ADAM22: variants seen among roughly 807,000 people sequenced by gnomAD.
The protein encoded by ADAM22 is disintegrin and metalloproteinase domain-containing protein 22.
In ADAM22, 65 loss-of-function variants were observed where a neutral mutation model predicts 144.6. The observed-to-expected ratio is 0.45, with a 90% CI of 0.37 to 0.55. The LOEUF (loss-of-function observed/expected upper bound fraction) is 0.55. Ranked by LOEUF, ADAM22 falls within the 20% of genes least tolerant of loss-of-function variation. The pLI, the probability that ADAM22 is intolerant of heterozygous loss-of-function variation, is 0.00. For missense variants in ADAM22, 974 were observed against 1,184.9 expected (o/e 0.82, Z 2.61); for synonymous variants, 391 against 412.6 (o/e 0.95, Z 0.63).
At chr7:88,175,193 G>A (rs1316874453) in intron 26 of ADAM22, among the ~76,000 whole-genome samples, 1 of 152,220 alleles carries the variant, frequency 6.6e-6, no homozygotes, top group Non-Finnish European at 1.5e-5. Flanking sequence ...GGGTGATCAA[G>A]AAACAGTCTT....
intron 3 of ADAM22, among the ~76,000 whole-genome samples, chr7:88,049,347 T>C (rs1013626060): frequency 3.3e-5 from 5 of 152,324 alleles, no homozygotes; most frequent in Middle Eastern, 3.4e-3. Flanking sequence ...AACTTTACCC[T>C]GTACACTGTT....
chr7:88,012,506 A>G (rs570254458), intron 3 of ADAM22, among the ~76,000 whole-genome samples: 22 of 152,176 alleles, frequency 1.4e-4, no homozygotes, highest in Non-Finnish European at 3.1e-4. Context: ...TGCAGTTTTA[A>G]TGATTGCTTT....
chr7:88,121,496 A>T (rs1829299812), intron 7 of ADAM22, among the ~76,000 whole-genome samples: 1 of 152,216 alleles, frequency 6.6e-6, no homozygotes, highest in Non-Finnish European at 1.5e-5. Context: ...GGTGTGGTTT[A>T]GCTGGGTGCC....
chr7:88,125,666 A>G lies in ADAM22; in HGVS notation c.678+7A>G. On this transcript the variant is annotated splice_region_variant and intron_variant, in intron 8 of 31. Transcript: ENST00000413139. Reference sequence around the variant, plus strand: ...AAAAAGGAGTAAACGGCAGGTATGTATTCACAGTGGTGTGTCGTGTTATTT... The same window carrying G: ...AAAAAGGAGTAAACGGCAGGTATGTGTTCACAGTGGTGTGTCGTGTTATTT... 6.3e-7 allele frequency: 1 copy of G among 1,585,582 alleles called. No individual in the cohort carries two copies. Among genetic ancestry groups the G allele is most frequent in the South Asian group, 1.2e-5 (1 of 86,536 alleles).
chr7:88,138,875 A>G (rs886448988), intron 14 of ADAM22, among the ~76,000 whole-genome samples: 29 of 152,200 alleles, frequency 1.9e-4, no homozygotes, highest in African/African-American at 6.3e-4. Flanking sequence ...CTGTTCATAT[A>G]TTTTAAAAGC....
intron 30 of ADAM22, among the ~76,000 whole-genome samples, chr7:88,187,895 A>C (rs547574641): frequency 6.6e-6 from 1 of 152,026 alleles, no homozygotes; most frequent in African/African-American, 2.4e-5. Context: ...GCCTGCTCAC[A>C]AAAATATATC....
At position 88,155,950 on chromosome 7, in the gene ADAM22, C is replaced by T. The variant is rs371408195; in HGVS notation, c.1851C>T (p.Leu617=). 1.3e-4 allele frequency: 215 copies of T among 1,613,258 alleles called. No individual in the cohort carries two copies. In the African/African-American group the frequency reaches 2.6e-3, roughly 20 times the overall value. ...NIGNIPRLGE[L]DGEITSTLVV... ...GCAATATCCCAAGGCTTGGAGAACT[C>T]GATGGTGAAATCACATCTACTTTAG... Residue 617 remains leucine (L), a synonymous_variant, in exon 22 of 32, where the codon CTC becomes CTT. Coordinates refer to ENST00000413139, the MANE Select transcript of ADAM22 (RefSeq NM_001324418.2).
At chr7:87,968,666 G>A (rs923756704) in intron 2 of ADAM22, among the ~76,000 whole-genome samples, 1 of 152,164 alleles carries the variant, frequency 6.6e-6, no homozygotes, top group African/African-American at 2.4e-5. Context: ...AGGTTACAGT[G>A]AGCTGTGACT....
intron 4 of ADAM22, among the ~76,000 whole-genome samples, chr7:88,090,445 T>C (rs1406713580): frequency 6.6e-6 from 1 of 152,168 alleles, no homozygotes; most frequent in Non-Finnish European, 1.5e-5. Context: ...CTTGCAAAAA[T>C]TTATTTTCAA....
chr7:88,077,790 T>G (rs1563164048), intron 4 of ADAM22, among the ~76,000 whole-genome samples: 1 of 152,110 alleles, frequency 6.6e-6, no homozygotes, highest in East Asian at 1.9e-4. Flanking sequence ...GCAGCTAGGC[T>G]GGGGGAGGGG....
intron 4 of ADAM22, among the ~76,000 whole-genome samples, chr7:88,086,619 G>A (rs182237482): frequency 2.0e-3 from 310 of 152,120 alleles, no homozygotes; most frequent in Admixed American, 3.3e-3. Context: ...ATCTGTTCAG[G>A]GAGAACTTTT....
chr7:88,170,111 A>G (rs1156409643), intron 25 of ADAM22, among the ~76,000 whole-genome samples: 1 of 151,914 alleles, frequency 6.6e-6, no homozygotes, highest in Non-Finnish European at 1.5e-5. Flanking sequence ...CAATATATAC[A>G]CTTTGCAACT....
At chr7:88,085,973 G>A (rs557384337) in intron 4 of ADAM22, among the ~76,000 whole-genome samples, 5 of 152,062 alleles carry the variant, frequency 3.3e-5, no homozygotes, top group Non-Finnish European at 7.4e-5. Context: ...TCAGGAGATC[G>A]AGACCATCAT....
At chr7:88,040,985 G>A (rs1308928172) in intron 3 of ADAM22, among the ~76,000 whole-genome samples, 1 of 152,048 alleles carries the variant, frequency 6.6e-6, no homozygotes, top group Non-Finnish European at 1.5e-5. Context: ...TCCATAGGCA[G>A]TTTATAATAT....
chr7:87,950,720 T>G (rs1400348738), intron 2 of ADAM22, among the ~76,000 whole-genome samples: 1 of 148,222 alleles, frequency 6.7e-6, no homozygotes, highest in Non-Finnish European at 1.5e-5. Flanking sequence ...CCACACTGAC[T>G]TCCACAATGG....
intron 2 of ADAM22, among the ~76,000 whole-genome samples, chr7:87,967,621 C>G (rs1335571370): frequency 6.6e-6 from 1 of 151,698 alleles, no homozygotes; most frequent in Non-Finnish European, 1.5e-5. Context: ...CCAGCCTTCC[C>G]AGATGGTGAA....
In ADAM22 at chr7:88,068,115, A is replaced by C. The variant is rs147120145; in HGVS notation, c.324-7511A>C. Among the ~76,000 whole-genome samples the C allele has an allele frequency of 1.3e-3, 192 of 152,248 alleles. 3 individuals are homozygous for C. Among genetic ancestry groups the C allele is most frequent in the African/African-American group, 4.4e-3 (184 of 41,544 alleles). ...GGTTAATTCTCAGTGATATTTATTC[A>C]TTTTCTATAGTGAGGATTCTCTAGT... On this transcript the variant is annotated intron_variant, in intron 3 of 31. Coordinates refer to ENST00000413139, the MANE Select transcript of ADAM22 (RefSeq NM_001324418.2).
At chr7:88,112,511 A>G (rs1430897686) in intron 5 of ADAM22, among the ~76,000 whole-genome samples, 1 of 152,204 alleles carries the variant, frequency 6.6e-6, no homozygotes, top group Non-Finnish European at 1.5e-5. Context: ...TGCTACCCTC[A>G]GATGCCTGAA....
intron 30 of ADAM22, among the ~76,000 whole-genome samples, chr7:88,191,511 A>G (rs950890034): frequency 6.6e-6 from 1 of 152,250 alleles, no homozygotes; most frequent in African/African-American, 2.4e-5. Context: ...AATAGTCCTC[A>G]TTTTAGAAAG....
Sources: gnomAD v4.1 joint callset for allele counts (sites outside exome capture counted in the v4.1 genomes callset) on GRCh38, gnomAD v4.1.1 for gene constraint, MANE v1.5 for transcripts, NCBI Gene and HGNC (gene_info 2026-07-23, HGNC 2026-07-21) for gene names.